Variants in RNASEH1 observed in about 807,000 individuals in gnomAD.
The protein encoded by RNASEH1 is ribonuclease H type II.
RNASEH1 carries 27 observed loss-of-function variants against 34.6 expected under a neutral mutation model. That is an observed-to-expected ratio of 0.78 (90% CI 0.58 to 1.08). RNASEH1 has a LOEUF of 1.08. Among genes scored for constraint, RNASEH1 ranks in the 50% least tolerant of loss-of-function variants. RNASEH1 has a pLI of 0.00. For missense variants in RNASEH1, 349 were observed against 373.6 expected (o/e 0.93, Z 0.54); for synonymous variants, 162 against 138.4 (o/e 1.17, Z -1.20).
chr2:3,550,536 A>C, intron 3 of RNASEH1, 64 bp from the exon 4 acceptor site: 1 of 1,217,214 alleles, frequency 8.2e-7, no homozygotes, highest in Admixed American at 1.7e-5. Context: ...TCACCTCAAA[A>C]ATCCACTAGG....
downstream of RNASEH1, among the ~76,000 whole-genome samples, chr2:3,538,548 G>C (rs549674398): frequency 6.6e-6 from 1 of 152,138 alleles, no homozygotes; most frequent in Admixed American, 6.5e-5. Context: ...GCTGTAACAT[G>C]AATCAGGTAC....
intron 2 of RNASEH1, among the ~76,000 whole-genome samples, chr2:3,554,958 G>C (rs1406306494): frequency 6.6e-6 from 1 of 152,198 alleles, no homozygotes; most frequent in African/African-American, 2.4e-5. Context: ...GTATCGTATA[G>C]GCCGAGTGAA....
chr2:3,548,281 A>G (rs1338212619), intron 6 of RNASEH1, among the ~76,000 whole-genome samples: 2 of 152,118 alleles, frequency 1.3e-5, no homozygotes, highest in African/African-American at 4.8e-5. Flanking sequence ...TCAGCTTAAG[A>G]TGTCATTTCT....
intron 1 of RNASEH1, 170 bp downstream of exon 1, chr2:3,557,963 T>A (rs1455716406): frequency 4.0e-6 from 6 of 1,501,164 alleles, no homozygotes; most frequent in African/African-American, 1.4e-5. Flanking sequence ...ATGAGCCTCC[T>A]GGAACCCCGC....
chr2:3,541,103 C>T (rs192297547), downstream of RNASEH1, among the ~76,000 whole-genome samples: 15 of 151,992 alleles, frequency 9.9e-5, no homozygotes, highest in African/African-American at 2.9e-4. Flanking sequence ...CCGAGGCAGG[C>T]GGATCACGAG....
chr2:3,532,750 G>T, the RNASEH1 span, among the ~76,000 whole-genome samples: 6 of 152,310 alleles, frequency 3.9e-5, no homozygotes, highest in South Asian at 1.2e-3. Context: ...GTGCATGATT[G>T]CATGTAAAGA....
chr2:3,558,193 C>T lies in RNASEH1; in HGVS notation c.68G>A (p.Arg23His), dbSNP rs369541088. The change falls in exon 1 of 8, where the codon CGC becomes CAC. Residue 23 changes from arginine to histidine, a missense_variant. This residue lies in a region of RNASEH1 where 256 missense variants were observed against 240.7 expected (regional missense o/e 1.06). Coordinates refer to ENST00000315212, the MANE Select transcript of RNASEH1 (RefSeq NM_002936.6). ...LAALPCRRGSRGFGMFYAVRR... is the reference protein window; with the variant it reads ...LAALPCRRGSHGFGMFYAVRR... ...CACGGCATAGAACATCCCGAACCCG[C>T]GAGAGCCGCGGCGGCAGGGCAAGGC... 1.8e-4 allele frequency: 284 copies of T among 1,601,576 alleles called. 1 individual carries two copies. Among genetic ancestry groups the T allele is most frequent in the Non-Finnish European group, 2.3e-4 (270 of 1,175,866 alleles).
the RNASEH1 span, among the ~76,000 whole-genome samples, chr2:3,535,474 A>G: frequency 1.3e-5 from 2 of 151,374 alleles, no homozygotes; most frequent in African/African-American, 2.4e-5. Flanking sequence ...TATGTTATGT[A>G]TATTTTACCA....
Position 3,557,982 on chromosome 2 carries a change from C to T in RNASEH1, c.128+151G>A, listed in dbSNP as rs546286100. 12 of 1,490,966 alleles carry T rather than the reference C, an allele frequency of 8.0e-6. No individual in the cohort carries two copies. The African/African-American group carries it at 1.7e-4, about 21-fold the overall frequency. 92.4% of individuals were successfully genotyped at this position (1,490,966 alleles called of 1,614,324 possible). Reference sequence around the variant, plus strand: ...GCCTCCTGGAACCCCGCCGGCCGAGCAGGAAAACGAGGCGGTCCCCCGACC... The same window carrying T: ...GCCTCCTGGAACCCCGCCGGCCGAGTAGGAAAACGAGGCGGTCCCCCGACC... On this transcript the variant is annotated intron_variant, in intron 1 of 7. Transcript: ENST00000315212.
At chr2:3,532,413 T>G in the RNASEH1 span, 1 of 699,012 alleles carries the variant, frequency 1.4e-6, no homozygotes, top group Non-Finnish European at 2.6e-6. Context: ...CACTGAAACA[T>G]GCTGAGTGCT....
intron 3 of RNASEH1, among the ~76,000 whole-genome samples, chr2:3,551,416 C>T (rs1309743068): frequency 2.0e-5 from 3 of 152,234 alleles, no homozygotes; most frequent in African/African-American, 7.2e-5. Context: ...CTGGAAACGG[C>T]TCATCTCCCT....
At chr2:3,546,396 T>C (rs565152856) in intron 7 of RNASEH1, among the ~76,000 whole-genome samples, 1 of 152,354 alleles carries the variant, frequency 6.6e-6, no homozygotes, top group South Asian at 2.1e-4. Flanking sequence ...TGAAAAAAAC[T>C]TTTTAATAAA....
In RNASEH1 at chr2:3,544,670, C is replaced by T. The variant is rs1395593149; in HGVS notation, c.*1115G>A. On this transcript the variant is annotated 3_prime_UTR_variant, in exon 8 of 8. Coordinates refer to ENST00000315212, the MANE Select transcript of RNASEH1 (RefSeq NM_002936.6). ...GTGGACACAAAGGTTATTCACCTTA[C>T]AATCATAATCATTCAATAAGCTATA... The T allele has an allele frequency of 6.6e-6, 1 of 152,088 alleles. No homozygotes were observed. The highest frequency in any genetic ancestry group is 2.4e-5 in the African/African-American group (1 of 41,408). The allele number at this position is 152,088 out of a possible 1,614,324, so 9.4% of individuals were successfully genotyped here.
intron 3 of RNASEH1, among the ~76,000 whole-genome samples, chr2:3,551,365 G>A (rs73910590): frequency 0.03 from 4,560 of 152,258 alleles, 244 homozygotes; most frequent in African/African-American, 0.1. Context: ...CCTGCTATCC[G>A]CCATGTTCCA....
At chr2:3,557,949 G>C (rs1660692261) in intron 1 of RNASEH1, 184 bp downstream of exon 1, 1 of 1,514,890 alleles carries the variant, frequency 6.6e-7, no homozygotes, top group Non-Finnish European at 8.9e-7. Context: ...TCCAGTCCCA[G>C]GCCATGAGCC....
chr2:3,557,785 A>AG, intron 1 of RNASEH1: 2 of 1,001,350 alleles, frequency 2.0e-6, no homozygotes, highest in Middle Eastern at 4.8e-4. Flanking sequence ...GCTGGTACGG[A>AG]AAGTCTTCTG....
Position 3,547,514 on chromosome 2 carries a change from G to A in RNASEH1, c.774+417C>T, listed in dbSNP as rs1229919362. ...TTTTTTTTTGAGACGGGGTCTTGGA[G>A]TCTCATATCGTTGCTCAGGCTGGAG... On this transcript the variant is annotated intron_variant, in intron 7 of 7. Transcript: ENST00000315212. Among the ~76,000 whole-genome samples the A allele has an allele frequency of 3.3e-5, 5 of 150,688 alleles. No homozygotes were observed. In the South Asian group the frequency reaches 8.4e-4, roughly 25 times the overall value.
At chr2:3,556,706 G>A (rs73910592) in intron 2 of RNASEH1, 83 bp downstream of exon 2, 21 of 853,204 alleles carry the variant, frequency 2.5e-5, no homozygotes, top group East Asian at 1.7e-4. Flanking sequence ...TGCCTAGAGG[G>A]TAGCTATATA....
intron 1 of RNASEH1, 120 bp from the exon 2 acceptor site, chr2:3,557,024 G>C: frequency 2.8e-6 from 2 of 710,404 alleles, no homozygotes; most frequent in South Asian, 3.4e-5. Flanking sequence ...CTGATTCCAG[G>C]AAGTCCTCCA....
Sources: allele counts gnomAD v4.1 joint callset (sites outside exome capture counted in the v4.1 genomes callset), GRCh38; gene constraint gnomAD v4.1.1; regional missense constraint gnomAD v4.1.1; transcripts MANE v1.5; gene names NCBI Gene and HGNC (gene_info 2026-07-23, HGNC 2026-07-21).